Variants in SNTG1 observed in about 807,000 individuals in gnomAD.
SNTG1 encodes the protein syntrophin gamma 1.
A neutral mutation model predicts 74.7 loss-of-function variants in SNTG1; 39 were observed. The ratio of observed to expected loss-of-function variants is 0.52; its 90% CI spans 0.40 to 0.68. The LOEUF is 0.68. Ranked by LOEUF, SNTG1 falls within the 30% of genes least tolerant of loss-of-function variation. The pLI is 0.00. For missense variants in SNTG1, 685 were observed against 609.5 expected (o/e 1.12, Z -1.30); for synonymous variants, 254 against 217.1 (o/e 1.17, Z -1.49).
chr8:50,637,149 G>A (rs1213657452), intron 13 of SNTG1, among the ~76,000 whole-genome samples: 1 of 152,178 alleles, frequency 6.6e-6, no homozygotes, highest in Non-Finnish European at 1.5e-5. Context: ...GAGACATGTA[G>A]TACCTTTGTT....
chr8:50,507,436 A>AGCATT (rs1211775707), intron 9 of SNTG1, among the ~76,000 whole-genome samples: 4 of 152,112 alleles, frequency 2.6e-5, no homozygotes, highest in Non-Finnish European at 5.9e-5. Context: ...AAAGTTCTAC[A>AGCATT]GTAAAACCAT....
intron 13 of SNTG1, among the ~76,000 whole-genome samples, chr8:50,600,330 A>T (rs1263758313): frequency 1.3e-5 from 2 of 152,052 alleles, no homozygotes; most frequent in Admixed American, 1.3e-4. Flanking sequence ...GTTTGGAAGT[A>T]TTCACTTCTC....
At chr8:50,329,691 A>G (rs111949378) in intron 2 of SNTG1, among the ~76,000 whole-genome samples, 9,934 of 152,086 alleles carry the variant, frequency 0.065, 352 homozygotes, top group African/African-American at 0.072. Context: ...GCAATGTGAG[A>G]GGCTGCCACC....
intron 4 of SNTG1, among the ~76,000 whole-genome samples, chr8:50,427,736 T>C (rs2093181486): frequency 6.6e-6 from 1 of 152,158 alleles, no homozygotes; most frequent in Admixed American, 6.5e-5. Flanking sequence ...CTCAAATACA[T>C]TTTTACTAAT....
intron 8 of SNTG1, among the ~76,000 whole-genome samples, chr8:50,456,856 G>T (rs2093511058): frequency 6.6e-6 from 1 of 152,080 alleles, no homozygotes; most frequent in Non-Finnish European, 1.5e-5. Context: ...GTCAAATTGG[G>T]AGGAGAAAGC....
intron 2 of SNTG1, among the ~76,000 whole-genome samples, chr8:50,199,002 G>A (rs2083882652): frequency 6.6e-6 from 1 of 152,128 alleles, no homozygotes; most frequent in Non-Finnish European, 1.5e-5. Context: ...TACTGAATAT[G>A]GTTAGCATTA....
At chr8:50,636,096 G>A (rs181784619) in intron 13 of SNTG1, among the ~76,000 whole-genome samples, 149 of 116,914 alleles carry the variant, frequency 1.3e-3, no homozygotes, top group African/African-American at 3.6e-3. Flanking sequence ...CTAGGGCCTA[G>A]AATGGGTTCC....
intron 2 of SNTG1, among the ~76,000 whole-genome samples, chr8:50,218,807 C>T (rs2084917445): frequency 6.6e-6 from 1 of 152,094 alleles, no homozygotes; most frequent in African/African-American, 2.4e-5. Context: ...ATACAAATAT[C>T]CTCTTTATGT....
intron 1 of SNTG1, among the ~76,000 whole-genome samples, chr8:50,070,730 T>C (rs1821294574): frequency 6.6e-6 from 1 of 152,346 alleles, no homozygotes; most frequent in Non-Finnish European, 1.5e-5. Flanking sequence ...CCCACGAAAG[T>C]GAGTGGTTTA....
At chr8:50,036,198 A>T (rs1818145804) in intron 1 of SNTG1, among the ~76,000 whole-genome samples, 1 of 152,216 alleles carries the variant, frequency 6.6e-6, no homozygotes, top group Admixed American at 6.5e-5. Flanking sequence ...GCTTTGACAT[A>T]CATTATCTCT....
intron 15 of SNTG1, among the ~76,000 whole-genome samples, chr8:50,682,619 G>A (rs1413634431): frequency 6.6e-6 from 1 of 152,112 alleles, no homozygotes; most frequent in African/African-American, 2.4e-5. Flanking sequence ...GTTATCCTCA[G>A]CCCTCAACTG....
intron 2 of SNTG1, among the ~76,000 whole-genome samples, chr8:50,379,662 G>A (rs1026392702): frequency 5.9e-5 from 9 of 152,224 alleles, no homozygotes; most frequent in Admixed American, 5.2e-4. Flanking sequence ...GCTGCCAACA[G>A]TAATAATAAT....
chr8:50,661,831 A>G (rs868749400), intron 15 of SNTG1, among the ~76,000 whole-genome samples: 4 of 152,130 alleles, frequency 2.6e-5, no homozygotes, highest in African/African-American at 4.8e-5. Flanking sequence ...CAATTGTTGT[A>G]TGTAATCAAG....
intron 1 of SNTG1, among the ~76,000 whole-genome samples, chr8:50,035,381 C>G (rs1818068850): frequency 6.6e-6 from 1 of 152,182 alleles, no homozygotes; most frequent in African/African-American, 2.4e-5. Flanking sequence ...GTCAAAGCTA[C>G]TTACCTCTCC....
At chr8:50,432,903 G>A (rs935185434) in intron 4 of SNTG1, among the ~76,000 whole-genome samples, 1 of 151,964 alleles carries the variant, frequency 6.6e-6, no homozygotes, top group Non-Finnish European at 1.5e-5. Context: ...CGATTCTCCT[G>A]TCTCAGCTTC....
intron 11 of SNTG1, 133 bp from the exon 12 acceptor site, chr8:50,552,917 A>G: frequency 9.5e-7 from 1 of 1,052,386 alleles, no homozygotes; most frequent in South Asian, 1.8e-5. Context: ...TTATAAAGTC[A>G]GGTAACCAAA....
chr8:50,455,524 C>T (rs2093497084), intron 8 of SNTG1, among the ~76,000 whole-genome samples: 1 of 152,124 alleles, frequency 6.6e-6, no homozygotes, highest in Admixed American at 6.6e-5. Context: ...TTTAAAATGA[C>T]ACCTTCATAC....
chr8:50,688,258 T>G (rs1347934539), intron 15 of SNTG1, among the ~76,000 whole-genome samples: 19 of 152,216 alleles, frequency 1.2e-4, no homozygotes, highest in Non-Finnish European at 1.5e-5. Flanking sequence ...CTCTTTAGTT[T>G]AATTAGATCC....
At chr8:49,993,369 G>GT (rs11453931) in intron 1 of SNTG1, among the ~76,000 whole-genome samples, 131,408 of 148,350 alleles carry the variant, frequency 0.89, 58,412 homozygotes, top group East Asian at 0.99. Context: ...TTTTTCTGAG[G>GT]TTTTTTTTTT....
Sources: allele counts gnomAD v4.1 joint callset (sites outside exome capture counted in the v4.1 genomes callset), GRCh38; gene constraint gnomAD v4.1.1; transcripts MANE v1.5; gene names NCBI Gene and HGNC (gene_info 2026-07-23, HGNC 2026-07-21).